MAPK14: variants seen among roughly 807,000 people sequenced by gnomAD.
The protein encoded by MAPK14 is mitogen-activated protein kinase 14.
MAPK14 carries 16 observed loss-of-function variants against 49.6 expected under a neutral mutation model. The observed-to-expected ratio is 0.32, with a 90% CI of 0.22 to 0.49. The LOEUF is 0.49. MAPK14 is among the 20% of genes least tolerant of loss of function. The pLI is 0.99. For missense variants in MAPK14, 200 were observed against 441.2 expected (o/e 0.45, Z 4.90); for synonymous variants, 142 against 158.0 (o/e 0.90, Z 0.76).
chr6:36,062,202 C>T (rs1336185973), intron 3 of MAPK14, among the ~76,000 whole-genome samples: 1 of 152,140 alleles, frequency 6.6e-6, no homozygotes, highest in Non-Finnish European at 1.5e-5. Flanking sequence ...GTCTCGAACT[C>T]CTGAGCTCAG....
chr6:36,051,739 G>C (rs545853468), intron 1 of MAPK14, among the ~76,000 whole-genome samples: 2 of 152,302 alleles, frequency 1.3e-5, no homozygotes, highest in African/African-American at 4.8e-5. Context: ...CTCTGCTTCA[G>C]TTTCTTACTT....
At position 36,108,709 on chromosome 6, in the gene MAPK14, CTTCT is replaced by C; in HGVS notation, c.*267_*270del. ...GCTCCAGGGCAGCCTCCACCTTGCT[CTTCT>C]TTCTGAGAGTTGGCTCAGGCAGACA... On this transcript the variant is annotated 3_prime_UTR_variant, in exon 12 of 12. Coordinates refer to ENST00000229794, the MANE Select transcript of MAPK14 (RefSeq NM_139012.3). The C allele has an allele frequency of 2.2e-6, 1 of 459,654 alleles. No homozygotes were observed. 28.5% of individuals were successfully genotyped at this position (459,654 alleles called of 1,614,324 possible).
At chr6:36,075,171 C>T (rs112202188) in intron 6 of MAPK14, among the ~76,000 whole-genome samples, 1 of 145,224 alleles carries the variant, frequency 6.9e-6, no homozygotes, top group African/African-American at 2.5e-5. Flanking sequence ...GCTTGCAGTG[C>T]GCCGAGATAG....
chr6:36,119,135 G>A, the MAPK14 span, among the ~76,000 whole-genome samples: 2 of 152,066 alleles, frequency 1.3e-5, 1 homozygote, highest in South Asian at 4.1e-4. Context: ...GGAAAACATC[G>A]CTTTTAAAAC....
intron 8 of MAPK14, among the ~76,000 whole-genome samples, chr6:36,091,164 T>C (rs1160346111): frequency 6.6e-6 from 1 of 152,236 alleles, no homozygotes; most frequent in East Asian, 1.9e-4. Flanking sequence ...GGAGGTTTTT[T>C]AGGAGTGCCT....
intron 1 of MAPK14, among the ~76,000 whole-genome samples, chr6:36,034,207 A>G (rs910994052): frequency 6.6e-6 from 1 of 152,192 alleles, no homozygotes; most frequent in Non-Finnish European, 1.5e-5. Context: ...CATTTAACCC[A>G]TTAGAGTCAT....
chr6:36,030,686 CAA>C (rs35145056), intron 1 of MAPK14, among the ~76,000 whole-genome samples: 16 of 118,392 alleles, frequency 1.4e-4, no homozygotes, highest in East Asian at 2.4e-4. Flanking sequence ...GACGCCGTCT[CAA>C]AAAAAAAAAA....
rs938669193 is a variant in MAPK14, at chr6:36,027,816, C to T, written c.-342C>T. 5 of 400,868 alleles carry T rather than the reference C, an allele frequency of 1.2e-5. No homozygotes were observed. The highest frequency in any genetic ancestry group is 2.2e-5 in the Non-Finnish European group (5 of 227,854). 24.8% of individuals were successfully genotyped at this position (400,868 alleles called of 1,614,324 possible). A position where few individuals can be genotyped will look rare whatever the true frequency, so the allele number is the denominator to read the frequency against. ...CTCTTGGAACCGCGACCACTGGAGC[C>T]TTAGCGGGCGCAGCAGCTGGAACGG... On this transcript the variant is annotated 5_prime_UTR_variant, in exon 1 of 12. Coordinates refer to ENST00000229794, the MANE Select transcript of MAPK14 (RefSeq NM_139012.3).
At chr6:36,123,671 C>T in the MAPK14 span, among the ~76,000 whole-genome samples, 5 of 152,302 alleles carry the variant, frequency 3.3e-5, no homozygotes, top group Admixed American at 3.3e-4. Context: ...ATACTGCCCT[C>T]GCCCTTACAG....
chr6:36,096,519 G>T (rs1317648602), intron 9 of MAPK14: 1 of 155,244 alleles, frequency 6.4e-6, no homozygotes, highest in Non-Finnish European at 1.4e-5. Context: ...ATCACTAAAA[G>T]AATAAAATGT....
chr6:36,060,387 C>A (rs1184990913), intron 3 of MAPK14, among the ~76,000 whole-genome samples: 1 of 152,174 alleles, frequency 6.6e-6, no homozygotes, highest in African/African-American at 2.4e-5. Flanking sequence ...TGAGTTGACA[C>A]AGCTCTCCCT....
chr6:36,036,356 A>G (rs1019119425), intron 1 of MAPK14, among the ~76,000 whole-genome samples: 5 of 152,120 alleles, frequency 3.3e-5, no homozygotes, highest in African/African-American at 1.2e-4. Flanking sequence ...GAAGATGCTT[A>G]TGAACATTGT....
chr6:36,102,758 A>T, intron 10 of MAPK14, 109 bp downstream of exon 10: 1 of 1,568,130 alleles, frequency 6.4e-7, no homozygotes, highest in Admixed American at 2.0e-5. Flanking sequence ...CCATTAGTTG[A>T]ATCTTGGAAG....
chr6:36,060,584 A>C (rs980812561), intron 3 of MAPK14, among the ~76,000 whole-genome samples: 2 of 152,152 alleles, frequency 1.3e-5, no homozygotes, highest in Non-Finnish European at 2.9e-5. Flanking sequence ...CCAGGGCTGA[A>C]CCTAACCAGT....
chr6:36,095,599 A>T lies in MAPK14; in HGVS notation c.683-388A>T, dbSNP rs532771196. ...CTCTAATTATCAGTGCACTTTGCTGAACTGGTTACTGACACTGTGATGGCA... is the reference window on the plus strand; with the variant it reads ...CTCTAATTATCAGTGCACTTTGCTGTACTGGTTACTGACACTGTGATGGCA... On this transcript the variant is annotated intron_variant, in intron 8 of 11. Coordinates refer to ENST00000229794, the MANE Select transcript of MAPK14 (RefSeq NM_139012.3). Among the ~76,000 whole-genome samples, 30 of 152,280 alleles carry T rather than the reference A, an allele frequency of 2.0e-4. 1 individual carries two copies. In the South Asian group the frequency reaches 5.8e-3, roughly 29 times the overall value.
At chr6:36,123,734 ATAT>A in the MAPK14 span, among the ~76,000 whole-genome samples, 7 of 152,194 alleles carry the variant, frequency 4.6e-5, no homozygotes, top group South Asian at 2.1e-4. Context: ...ATGCAGATTA[ATAT>A]TATGCTGAAT....
intron 1 of MAPK14, among the ~76,000 whole-genome samples, chr6:36,041,276 G>A (rs963703469): frequency 1.4e-4 from 21 of 145,270 alleles, no homozygotes; most frequent in Non-Finnish European, 2.7e-4. Flanking sequence ...ATTTTTCCTT[G>A]TGTTTCTCTA....
chr6:36,042,985 G>A (rs1207186317), intron 1 of MAPK14, among the ~76,000 whole-genome samples: 1 of 151,972 alleles, frequency 6.6e-6, no homozygotes, highest in African/African-American at 2.4e-5. Flanking sequence ...TTAGCCAGGC[G>A]TCGTGGTGTG....
intron 1 of MAPK14, among the ~76,000 whole-genome samples, chr6:36,051,578 C>T (rs559207743): frequency 6.6e-6 from 1 of 151,988 alleles, no homozygotes. Context: ...GCATGCCATA[C>T]GTTTCCTACC....
Sources: gnomAD v4.1 joint callset for allele counts (sites outside exome capture counted in the v4.1 genomes callset) on GRCh38, gnomAD v4.1.1 for gene constraint, MANE v1.5 for transcripts, NCBI Gene and HGNC (gene_info 2026-07-23, HGNC 2026-07-21) for gene names.